Variants in NFATC1 observed in about 807,000 individuals in gnomAD.
The protein encoded by NFATC1 is nuclear factor of activated T cells 1, also known as nuclear factor of activated T-cells, cytoplasmic 1.
In NFATC1, 22 loss-of-function variants were observed where a neutral mutation model predicts 76.0. That is an observed-to-expected ratio of 0.29 (90% CI 0.21 to 0.41). NFATC1 has a LOEUF of 0.41. Among genes scored for constraint, NFATC1 ranks in the 10% least tolerant of loss-of-function variants. The probability of loss-of-function intolerance (pLI) is 1.00; values close to 1 mark genes in which losing one functional copy is unlikely to be tolerated. For synonymous variants in NFATC1, 704 were observed against 613.1 expected (o/e 1.15, Z -2.19); for missense variants, 1,357 against 1,337.7 (o/e 1.01, Z -0.23).
chr18:79,481,155 C>A (rs2089258090), intron 8 of NFATC1, among the ~76,000 whole-genome samples: 1 of 152,238 alleles, frequency 6.6e-6, no homozygotes, highest in Non-Finnish European at 1.5e-5. Context: ...CTGGGGCTCC[C>A]CATCGTCTGG....
intron 2 of NFATC1, among the ~76,000 whole-genome samples, chr18:79,425,344 G>A (rs753507685): frequency 2.6e-5 from 4 of 151,162 alleles, no homozygotes; most frequent in Non-Finnish European, 4.4e-5. Context: ...CAACCAAATG[G>A]CCATGAGGCC....
chr18:79,423,696 G>T (rs577269656), intron 2 of NFATC1, among the ~76,000 whole-genome samples: 1 of 152,290 alleles, frequency 6.6e-6, no homozygotes, highest in South Asian at 2.1e-4. Context: ...GGCCGGGCTG[G>T]GTGTCCCCAT....
At chr18:79,481,598 AG>A (rs1322622941) in intron 8 of NFATC1, among the ~76,000 whole-genome samples, 4 of 152,244 alleles carry the variant, frequency 2.6e-5, no homozygotes, top group African/African-American at 9.6e-5. Context: ...TCCTCCTCCC[AG>A]GAACCGCCTC....
At chr18:79,450,032 G>A (rs4798907) in intron 4 of NFATC1, among the ~76,000 whole-genome samples, 4 of 152,248 alleles carry the variant, frequency 2.6e-5, no homozygotes, top group Admixed American at 6.5e-5. Flanking sequence ...ACAGGGCACA[G>A]TCAGGTGCGT....
In NFATC1 at chr18:79,406,763, C is replaced by G. The variant is rs921869739; in HGVS notation, c.128-3640C>G. On this transcript the variant is annotated intron_variant, in intron 1 of 9. Transcript: ENST00000427363. ...CCGCAGGCCTGCGCTCGACAAAACCCCCTCGTGGGTCCCCCACCGCGCCTT... is the reference window on the plus strand; with the variant it reads ...CCGCAGGCCTGCGCTCGACAAAACCGCCTCGTGGGTCCCCCACCGCGCCTT... Among the ~76,000 whole-genome samples the G allele has an allele frequency of 3.3e-5, 5 of 152,286 alleles. No homozygotes were observed. In the East Asian group the frequency reaches 9.7e-4, roughly 29 times the overall value.
chr18:79,448,547 C>T, intron 3 of NFATC1: 1 of 567,832 alleles, frequency 1.8e-6, no homozygotes, highest in Non-Finnish European at 3.1e-6. Flanking sequence ...AGTGTGGATG[C>T]ATACGTGCAA....
At chr18:79,442,069 A>T (rs1328963067) in intron 3 of NFATC1, among the ~76,000 whole-genome samples, 2 of 151,960 alleles carry the variant, frequency 1.3e-5, no homozygotes, top group African/African-American at 2.4e-5. Context: ...CATTGCCTCC[A>T]GGTCGAGGTG....
chr18:79,429,066 C>T (rs1377896711), intron 2 of NFATC1, among the ~76,000 whole-genome samples: 4 of 151,982 alleles, frequency 2.6e-5, no homozygotes, highest in African/African-American at 9.7e-5. Context: ...ACTAAAAATA[C>T]AAAAAATTAG....
intron 5 of NFATC1, 42 bp from the exon 6 acceptor site, chr18:79,451,634 C>A: frequency 6.7e-7 from 1 of 1,486,402 alleles, no homozygotes; most frequent in South Asian, 1.4e-5. Flanking sequence ...CCAGGCCGCC[C>A]ACTCAGGACA....
At chr18:79,479,979 C>T (rs1041598696) in intron 8 of NFATC1, among the ~76,000 whole-genome samples, 12 of 152,184 alleles carry the variant, frequency 7.9e-5, no homozygotes, top group Admixed American at 5.9e-4. Context: ...TGGGAGAAGC[C>T]GCGTGGAGAC....
At chr18:79,405,857 C>T (rs1450698271) in intron 1 of NFATC1, among the ~76,000 whole-genome samples, 5 of 152,290 alleles carry the variant, frequency 3.3e-5, no homozygotes, top group East Asian at 3.9e-4. Flanking sequence ...GTGCCCCAGG[C>T]GTCCGTGGGC....
intron 7 of NFATC1, among the ~76,000 whole-genome samples, chr18:79,462,861 G>T (rs1358465101): frequency 4.2e-5 from 6 of 141,792 alleles, no homozygotes; most frequent in Non-Finnish European, 8.8e-5. Context: ...AGTGTGTGCA[G>T]TTGGAAGCTG....
At chr18:79,403,422 A>C (rs216118) in intron 1 of NFATC1, among the ~76,000 whole-genome samples, 11,870 of 152,342 alleles carry the variant, frequency 0.078, 546 homozygotes, top group Non-Finnish European at 0.088. Flanking sequence ...ACCCAGGAGC[A>C]GGCCCCGGGC....
Position 79,452,002 on chromosome 18 carries a change from A to G in NFATC1, c.1903+186A>G, listed in dbSNP as rs112157834. The G allele has an allele frequency of 8.7e-3, 5,368 of 616,026 alleles. 137 individuals are homozygous for G. The highest frequency in any genetic ancestry group is 0.071 in the African/African-American group (3,724 of 52,106). The allele number at this position is 616,026 out of a possible 1,614,324, so 38.2% of individuals were successfully genotyped here. On this transcript the variant is annotated intron_variant, in intron 6 of 9. Transcript: ENST00000427363. The stretch of plus-strand genomic sequence containing the variant: ...GCTGTGGGTTTTTGTGTGAGCCGAC[A>G]GCTGTGCTGCTGAAGGGAAGAGGTG...
At chr18:79,467,196 C>T (rs950405301) in intron 7 of NFATC1, among the ~76,000 whole-genome samples, 5 of 152,244 alleles carry the variant, frequency 3.3e-5, no homozygotes, top group South Asian at 2.1e-4. Flanking sequence ...TGTCCACACG[C>T]GTGTGCAGGT....
chr18:79,423,816 G>C (rs973806328), intron 2 of NFATC1, among the ~76,000 whole-genome samples: 5 of 152,162 alleles, frequency 3.3e-5, no homozygotes, highest in African/African-American at 1.2e-4. Context: ...CCCTCCCATG[G>C]GCACAGAGCT....
chr18:79,400,156 G>A (rs1466433655), intron 1 of NFATC1: 62 of 1,055,516 alleles, frequency 5.9e-5, no homozygotes, highest in Non-Finnish European at 6.8e-5. Context: ...GGGGCGGGGG[G>A]GACACGAGTT....
Position 79,527,862 on chromosome 18 carries a change from G to C in NFATC1, c.*285G>C. 1 of 497,558 alleles carries C rather than the reference G, an allele frequency of 2.0e-6. No individual in the cohort carries two copies. The highest frequency in any genetic ancestry group is 2.9e-5 in the East Asian group (1 of 34,096). The allele number at this position is 497,558 out of a possible 1,614,324, so 30.8% of individuals were successfully genotyped here. On this transcript the variant is annotated 3_prime_UTR_variant, in exon 10 of 10. Coordinates refer to ENST00000427363, the MANE Select transcript of NFATC1 (RefSeq NM_001278669.2). ...CCCACCGTGCAGGGGCCTTTCATGG[G>C]AACGGCCCACACGCAGTTTGACCCC...
intron 2 of NFATC1, among the ~76,000 whole-genome samples, chr18:79,431,424 C>G (rs1162887969): frequency 6.6e-6 from 1 of 152,174 alleles, no homozygotes; most frequent in Non-Finnish European, 1.5e-5. Context: ...GCGATCTTGG[C>G]TCACTGCCAT....
Sources: gnomAD v4.1 joint callset for allele counts (sites outside exome capture counted in the v4.1 genomes callset) on GRCh38, gnomAD v4.1.1 for gene constraint, MANE v1.5 for transcripts, NCBI Gene and HGNC (gene_info 2026-07-23, HGNC 2026-07-21) for gene names.